Variants in NPIPB15 observed in about 807,000 individuals in gnomAD.
The protein encoded by NPIPB15 is nuclear pore complex interacting protein family member B15.
NPIPB15 carries 5 observed loss-of-function variants against 35.9 expected under a neutral mutation model. The ratio of observed to expected loss-of-function variants is 0.14; its 90% CI spans 0.07 to 0.29. The LOEUF is 0.29. Ranked by LOEUF, NPIPB15 falls within the 10% of genes least tolerant of loss-of-function variation. The pLI, the probability that NPIPB15 is intolerant of heterozygous loss-of-function variation, is 1.00. For synonymous variants in NPIPB15, 43 were observed against 182.0 expected (o/e 0.24, Z 6.15); for missense variants, 100 against 506.1 (o/e 0.20, Z 7.70).
chr16:74,378,661 C>T (rs1300601530), intron 2 of NPIPB15, among the ~76,000 whole-genome samples: 1 of 150,604 alleles, frequency 6.6e-6, no homozygotes, highest in African/African-American at 2.4e-5. Flanking sequence ...ATCCGCCTGC[C>T]TCGGCCTCCC....
At chr16:74,384,856 T>C (rs2012181076) in intron 3 of NPIPB15, among the ~76,000 whole-genome samples, 1 of 151,672 alleles carries the variant, frequency 6.6e-6, no homozygotes, top group Non-Finnish European at 1.5e-5. Flanking sequence ...TAATTTTGTA[T>C]TTTTAGCAGA....
intron 7 of NPIPB15, chr16:74,391,031 G>A (rs2012507395): frequency 2.5e-6 from 2 of 797,122 alleles, no homozygotes; most frequent in Non-Finnish European, 3.0e-6. Flanking sequence ...TCTGGTGATG[G>A]CTGTGAGGGA....
intron 3 of NPIPB15, among the ~76,000 whole-genome samples, chr16:74,384,838 T>C (rs1487805140): frequency 6.6e-6 from 1 of 151,948 alleles, no homozygotes; most frequent in Non-Finnish European, 1.5e-5. Context: ...TGCACCACCA[T>C]GCCTGGCTAA....
chr16:74,384,367 T>G (rs377474786), intron 3 of NPIPB15, among the ~76,000 whole-genome samples: 1 of 96,688 alleles, frequency 1.0e-5, no homozygotes, highest in Non-Finnish European at 2.1e-5. Context: ...AGTATATTCA[T>G]GTCATTTTTT....
intron 3 of NPIPB15, among the ~76,000 whole-genome samples, chr16:74,383,596 AAAC>A (rs1250953871): frequency 8.8e-6 from 1 of 114,282 alleles, no homozygotes; most frequent in Non-Finnish European, 1.8e-5. Flanking sequence ...AATCAGGAAA[AAAC>A]AAATTCTACA....
chr16:74,381,978 C>T (rs1252370939), intron 3 of NPIPB15, among the ~76,000 whole-genome samples: 28 of 109,486 alleles, frequency 2.6e-4, no homozygotes, highest in African/African-American at 9.2e-4. Context: ...TATGAGGTTT[C>T]GTCACTTAAA....
At position 74,391,642 on chromosome 16, in the gene NPIPB15, G is replaced by C. The variant is rs2012559676; in HGVS notation, c.894G>C (p.Leu298=). The stretch of plus-strand genomic sequence containing the variant: ...TTCCACCCTCAGTGGATGATAATCT[G>C]AAGGAGTATCTCCTGGTCCCTCTTC... ...APLPPSVDDN[L]KEYLLVPLPP... The change falls in exon 8 of 8, where the codon CTG becomes CTC. Residue 298 remains leucine, a synonymous_variant. Transcript: ENST00000692376. 6.3e-7 allele frequency: 1 copy of C among 1,598,364 alleles called. No homozygotes were observed. The highest frequency in any genetic ancestry group is 8.5e-7 in the Non-Finnish European group (1 of 1,172,606).
At chr16:74,380,900 C>G (rs2011952899) in intron 2 of NPIPB15, among the ~76,000 whole-genome samples, 1 of 152,268 alleles carries the variant, frequency 6.6e-6, no homozygotes, top group Non-Finnish European at 1.5e-5. Flanking sequence ...AATCCCAGTA[C>G]TTTCAGAGGC....
At chr16:74,377,723 T>C (rs1363691235) in intron 1 of NPIPB15, among the ~76,000 whole-genome samples, 4 of 144,984 alleles carry the variant, frequency 2.8e-5, no homozygotes, top group Non-Finnish European at 6.0e-5. Flanking sequence ...CTCCTCCTCC[T>C]CCTCCACCTC....
chr16:74,387,455 A>G (rs943486644), intron 5 of NPIPB15, among the ~76,000 whole-genome samples: 1 of 149,574 alleles, frequency 6.7e-6, no homozygotes, highest in East Asian at 2.0e-4. Flanking sequence ...GATGTATTCA[A>G]TCATGGGTTT....
rs1472998657 is a variant in NPIPB15, at chr16:74,381,624, A to C, written c.175A>C (p.Asn59His). ...AACCCCATCTCCACAAAAATTGGAT[A>C]ATTTGATAATTATCATTATTGGGTT... ...GKTPSPQKLDNLIIIIIGFLR... is the reference protein window; with the variant it reads ...GKTPSPQKLDHLIIIIIGFLR... The change falls in exon 3 of 8, where the codon AAT (asparagine) becomes CAT (histidine). Residue 59 changes from asparagine (N) to histidine (H), a missense_variant. Asn to His is a moderately conservative substitution (Grantham distance 68). Coordinates refer to ENST00000692376, the MANE Select transcript of NPIPB15 (RefSeq NM_001306094.2). The C allele has an allele frequency of 6.3e-7, 1 of 1,578,028 alleles. No individual in the cohort carries two copies. Among genetic ancestry groups the C allele is most frequent in the Admixed American group, 1.8e-5 (1 of 56,044 alleles).
rs868289112 is a variant in NPIPB15, at chr16:74,377,479, T to C, written c.-23+133T>C. Among the ~76,000 whole-genome samples the C allele has an allele frequency of 7.6e-3, 1,161 of 151,772 alleles. 2 individuals carry two copies. The highest frequency in any genetic ancestry group is 0.01 in the Middle Eastern group (3 of 294). On this transcript the variant is annotated intron_variant, in intron 1 of 7. Coordinates refer to ENST00000692376, the MANE Select transcript of NPIPB15 (RefSeq NM_001306094.2). The stretch of plus-strand genomic sequence containing the variant: ...GAGGCACCACCGGGGTCATCAGGGA[T>C]TGGTGGAGAGGGAGTATAAAGCCCC...
At chr16:74,379,261 A>G (rs181912586) in intron 2 of NPIPB15, among the ~76,000 whole-genome samples, 7 of 152,232 alleles carry the variant, frequency 4.6e-5, no homozygotes, top group East Asian at 1.9e-4. Context: ...GCTCAACACC[A>G]TGTTTCTGAA....
chr16:74,383,829 T>C (rs1210217817), intron 3 of NPIPB15, among the ~76,000 whole-genome samples: 1 of 151,898 alleles, frequency 6.6e-6, no homozygotes, highest in East Asian at 2.0e-4. Flanking sequence ...GGCACAAGAA[T>C]CGCTTGAATC....
At position 74,383,350 on chromosome 16, in the gene NPIPB15, CTAAGCAGGGACATCATG is replaced by C. The variant is rs1313570966; in HGVS notation, c.249+1653_249+1669del. Among the ~76,000 whole-genome samples, 10 of 149,256 alleles carry C rather than the reference CTAAGCAGGGACATCATG, an allele frequency of 6.7e-5. No individual in the cohort carries two copies. The East Asian group carries it at 2.0e-3, about 30-fold the overall frequency. On this transcript the variant is annotated intron_variant, in intron 3 of 7. Coordinates refer to ENST00000692376, the MANE Select transcript of NPIPB15 (RefSeq NM_001306094.2). ...ATCTAGTCATCTATACCATTACCTCCTAAGCAGGGACATCATGGGTGCCATGAAGCATTCATGCGTGA... is the reference window on the plus strand; with the variant it reads ...ATCTAGTCATCTATACCATTACCTCCGGTGCCATGAAGCATTCATGCGTGA...
intron 2 of NPIPB15, 34 bp from the exon 3 acceptor site, chr16:74,381,482 G>A (rs1355280744): frequency 5.7e-6 from 9 of 1,575,256 alleles, no homozygotes; most frequent in Non-Finnish European, 7.7e-6. Flanking sequence ...CGGTGTCATT[G>A]ACCTTTTCAT....
At chr16:74,383,233 T>A (rs2012086582) in intron 3 of NPIPB15, among the ~76,000 whole-genome samples, 1 of 146,178 alleles carries the variant, frequency 6.8e-6, no homozygotes, top group Non-Finnish European at 1.5e-5. Flanking sequence ...GGGAAGTTTT[T>A]AAATTTACCA....
intron 2 of NPIPB15, among the ~76,000 whole-genome samples, chr16:74,378,476 G>T (rs1259528101): frequency 1.4e-5 from 2 of 138,332 alleles, no homozygotes; most frequent in Admixed American, 1.6e-4. Context: ...GCCCAGGCTG[G>T]AGTGCAGTGG....
intron 2 of NPIPB15, among the ~76,000 whole-genome samples, chr16:74,381,148 C>CAAAAAAAAAAAAAA (rs1166274271): frequency 2.4e-3 from 172 of 71,424 alleles, no homozygotes; most frequent in Non-Finnish European, 3.1e-3. Context: ...ACTCTGTCTC[C>CAAAAAAAAAAAAAA]AAAAAAAAAA....
Sources: gnomAD v4.1 joint callset for allele counts (sites outside exome capture counted in the v4.1 genomes callset) on GRCh38, gnomAD v4.1.1 for gene constraint, MANE v1.5 for transcripts, NCBI Gene and HGNC (gene_info 2026-07-23, HGNC 2026-07-21) for gene names.